Variants in MIPOL1 observed in about 807,000 individuals in gnomAD.
The protein encoded by MIPOL1 is mirror-image polydactyly 1.
In MIPOL1, 57 loss-of-function variants were observed where a neutral mutation model predicts 60.9. That is an observed-to-expected ratio of 0.94 (90% CI 0.76 to 1.17). The LOEUF is 1.17. Among genes scored for constraint, MIPOL1 ranks in the 50% most tolerant of loss-of-function variants. MIPOL1 has a pLI of 0.00. For synonymous variants in MIPOL1, 179 were observed against 168.8 expected (o/e 1.06, Z -0.47); for missense variants, 551 against 511.6 (o/e 1.08, Z -0.74).
In MIPOL1 at chr14:37,371,017, A is replaced by G. The variant is rs955168963; in HGVS notation, c.936+1393A>G. On this transcript the variant is annotated intron_variant, in intron 10 of 12. Coordinates refer to ENST00000684589, the MANE Select transcript of MIPOL1 (RefSeq NM_001388067.1). ...AAAAATTCTAGTTTGTTAAGTATATATTAATTTCATGATCTTTATTCTGGC... is the reference window on the plus strand; with the variant it reads ...AAAAATTCTAGTTTGTTAAGTATATGTTAATTTCATGATCTTTATTCTGGC... 6.6e-5 allele frequency among the ~76,000 whole-genome samples: 10 copies of G among 152,226 alleles called. 1 individual carries two copies. In the South Asian group the frequency reaches 2.1e-3, roughly 32 times the overall value.
At chr14:37,375,437 G>C (rs979656778) in intron 10 of MIPOL1, among the ~76,000 whole-genome samples, 1 of 151,806 alleles carries the variant, frequency 6.6e-6, no homozygotes, top group Non-Finnish European at 1.5e-5. Flanking sequence ...ATTCCGCTTC[G>C]ACCTCCCACA....
intron 1 of MIPOL1, among the ~76,000 whole-genome samples, chr14:37,227,050 A>G (rs975134420): frequency 1.3e-5 from 2 of 152,210 alleles, no homozygotes; most frequent in African/African-American, 4.8e-5. Context: ...CATAAGGCAT[A>G]TGTATTAGTT....
intron 1 of MIPOL1, among the ~76,000 whole-genome samples, chr14:37,202,089 C>G (rs947115513): frequency 5.3e-5 from 8 of 152,138 alleles, no homozygotes; most frequent in African/African-American, 1.9e-4. Context: ...GCCTCGACCT[C>G]CCAAAGTGCC....
intron 7 of MIPOL1, among the ~76,000 whole-genome samples, chr14:37,305,510 G>A (rs1227362097): frequency 1.3e-5 from 2 of 151,722 alleles, no homozygotes; most frequent in African/African-American, 4.8e-5. Flanking sequence ...CTATGGTAAA[G>A]CCTAAAATAA....
chr14:37,200,898 G>GTA (rs1965209560), intron 1 of MIPOL1, among the ~76,000 whole-genome samples: 1 of 42,436 alleles, frequency 2.4e-5, no homozygotes, highest in Admixed American at 2.6e-4. Flanking sequence ...GTGTGTGTGT[G>GTA]TATTTTTTTT....
At chr14:37,200,923 G>C (rs1965230094) in intron 1 of MIPOL1, among the ~76,000 whole-genome samples, 1 of 109,408 alleles carries the variant, frequency 9.1e-6, no homozygotes, top group Admixed American at 1.1e-4. Context: ...TTTTTTTTGA[G>C]ACAAGGTGTA....
At chr14:37,360,597 A>G (rs183530137) in intron 9 of MIPOL1, among the ~76,000 whole-genome samples, 325 of 152,166 alleles carry the variant, frequency 2.1e-3, no homozygotes, top group Non-Finnish European at 3.6e-3. Flanking sequence ...TTTCTAGTTT[A>G]TTTGCGTAGA....
intron 9 of MIPOL1, among the ~76,000 whole-genome samples, chr14:37,349,578 C>G (rs2091200291): frequency 6.6e-6 from 1 of 152,296 alleles, no homozygotes; most frequent in South Asian, 2.1e-4. Flanking sequence ...ACCACTCCTT[C>G]CAAAGATATG....
At chr14:37,496,658 A>G (rs2095134993) in intron 11 of MIPOL1, among the ~76,000 whole-genome samples, 1 of 151,610 alleles carries the variant, frequency 6.6e-6, no homozygotes, top group Non-Finnish European at 1.5e-5. Flanking sequence ...AAGAGGATAC[A>G]AACAAATGGA....
chr14:37,366,460 A>C (rs1320685702), intron 9 of MIPOL1, among the ~76,000 whole-genome samples: 1 of 152,000 alleles, frequency 6.6e-6, no homozygotes, highest in Non-Finnish European at 1.5e-5. Flanking sequence ...TGTAGTTTCC[A>C]GAATTCCTCC....
At chr14:37,351,072 C>T (rs1229948775) in intron 9 of MIPOL1, among the ~76,000 whole-genome samples, 1 of 125,590 alleles carries the variant, frequency 8.0e-6, no homozygotes, top group Non-Finnish European at 1.6e-5. Context: ...CCCCACCCCA[C>T]AACGGTCCCC....
At chr14:37,207,965 A>T (rs942367708) in intron 1 of MIPOL1, among the ~76,000 whole-genome samples, 1 of 152,196 alleles carries the variant, frequency 6.6e-6, no homozygotes, top group South Asian at 2.1e-4. Flanking sequence ...TAAGCTGGCA[A>T]CGTAAAGAAA....
At chr14:37,499,690 T>A (rs150344338) in intron 11 of MIPOL1, among the ~76,000 whole-genome samples, 1 of 152,328 alleles carries the variant, frequency 6.6e-6, no homozygotes, top group African/African-American at 2.4e-5. Flanking sequence ...TCTTTTTGTA[T>A]GCTTTGGTAG....
At chr14:37,502,052 T>C (rs1989084) in intron 12 of MIPOL1, 114,170 of 152,310 alleles carry the variant, frequency 0.75, 43,059 homozygotes, top group East Asian at 0.85. Flanking sequence ...GGGAGGGGCG[T>C]CTGCCATTGC....
At chr14:37,486,070 A>G (rs1056894934) in intron 11 of MIPOL1, among the ~76,000 whole-genome samples, 2 of 152,068 alleles carry the variant, frequency 1.3e-5, no homozygotes, top group Non-Finnish European at 2.9e-5. Context: ...TTTTCTTAAA[A>G]CCATTTATTA....
intron 9 of MIPOL1, among the ~76,000 whole-genome samples, chr14:37,314,575 A>G (rs1353210724): frequency 6.6e-6 from 1 of 152,126 alleles, no homozygotes; most frequent in Non-Finnish European, 1.5e-5. Context: ...TCTGCATTAT[A>G]CTTCAAAGCC....
At chr14:37,463,907 T>A in intron 11 of MIPOL1, among the ~76,000 whole-genome samples, 1 of 150,702 alleles carries the variant, frequency 6.6e-6, no homozygotes, top group South Asian at 2.1e-4. Flanking sequence ...CTCAAATAGC[T>A]CAACAACAAC....
At chr14:37,241,260 A>C (rs1005783443) in intron 1 of MIPOL1, among the ~76,000 whole-genome samples, 3 of 152,108 alleles carry the variant, frequency 2.0e-5, no homozygotes, top group Non-Finnish European at 4.4e-5. Context: ...TTTTTGTTCT[A>C]TTCAGGACCT....
intron 12 of MIPOL1, among the ~76,000 whole-genome samples, chr14:37,531,514 G>A (rs1032980021): frequency 7.9e-5 from 12 of 151,850 alleles, no homozygotes; most frequent in African/African-American, 2.9e-4. Flanking sequence ...AAGCTAATAA[G>A]CAAATATTTA....
Sources: gnomAD v4.1 joint callset for allele counts (sites outside exome capture counted in the v4.1 genomes callset) on GRCh38, gnomAD v4.1.1 for gene constraint, MANE v1.5 for transcripts, NCBI Gene and HGNC (gene_info 2026-07-23, HGNC 2026-07-21) for gene names.